The following ZDHHC17 variants were observed in gnomAD, a reference collection of about 807,000 sequenced individuals.
The protein encoded by ZDHHC17 is zDHHC palmitoyltransferase 17, also known as palmitoyltransferase ZDHHC17.
A neutral mutation model predicts 90.3 loss-of-function variants in ZDHHC17; 40 were observed. The ratio of observed to expected loss-of-function variants is 0.44; its 90% CI spans 0.34 to 0.58. ZDHHC17 has a LOEUF of 0.58. ZDHHC17 is among the 20% of genes least tolerant of loss of function. ZDHHC17 has a pLI of 0.01. For synonymous variants in ZDHHC17, 235 were observed against 252.4 expected (o/e 0.93, Z 0.65); for missense variants, 614 against 780.8 (o/e 0.79, Z 2.55).
chr12:76,846,768 A>G (rs544754261), intron 14 of ZDHHC17, 89 bp downstream of exon 14: 4 of 1,175,570 alleles, frequency 3.4e-6, no homozygotes, highest in East Asian at 2.6e-5. Flanking sequence ...TATAATGACA[A>G]AGGTCGTTTA....
chr12:76,841,402 A>G (rs1296330960), intron 10 of ZDHHC17, among the ~76,000 whole-genome samples: 1 of 152,126 alleles, frequency 6.6e-6, no homozygotes, highest in Non-Finnish European at 1.5e-5. Flanking sequence ...TGTATTTTTT[A>G]TAGTGTTATT....
intron 10 of ZDHHC17, among the ~76,000 whole-genome samples, chr12:76,836,621 A>G (rs1478139353): frequency 1.3e-5 from 2 of 152,118 alleles, no homozygotes; most frequent in African/African-American, 2.4e-5. Context: ...ATTTTCTATT[A>G]GAAACATTTA....
chr12:76,820,925 G>A (rs1482117234), intron 7 of ZDHHC17: 1 of 488,358 alleles, frequency 2.0e-6, no homozygotes, highest in Non-Finnish European at 3.5e-6. Context: ...TCAGAACCCT[G>A]GTTTTAATAT....
At chr12:76,814,072 C>T (rs950169195) in intron 5 of ZDHHC17, among the ~76,000 whole-genome samples, 1 of 151,938 alleles carries the variant, frequency 6.6e-6, no homozygotes, top group Non-Finnish European at 1.5e-5. Context: ...TTTCAAAGTA[C>T]TCCAGGTTAA....
chr12:76,817,277 A>G (rs1392784766), intron 7 of ZDHHC17, among the ~76,000 whole-genome samples: 1 of 152,106 alleles, frequency 6.6e-6, no homozygotes. Flanking sequence ...AAACCTGATC[A>G]ATATACTTAA....
At chr12:76,777,996 T>A (rs983816706) in intron 1 of ZDHHC17, among the ~76,000 whole-genome samples, 3 of 152,142 alleles carry the variant, frequency 2.0e-5, no homozygotes, top group Non-Finnish European at 4.4e-5. Context: ...ATGCCTTTTT[T>A]AAGGTACATG....
intron 10 of ZDHHC17, among the ~76,000 whole-genome samples, chr12:76,840,698 G>C (rs1246286596): frequency 6.6e-6 from 1 of 152,070 alleles, no homozygotes; most frequent in Admixed American, 6.6e-5. Flanking sequence ...GCTAAATTCA[G>C]TCTACCATTT....
intron 2 of ZDHHC17, among the ~76,000 whole-genome samples, chr12:76,798,932 C>A (rs1389569059): frequency 2.0e-5 from 3 of 152,162 alleles, no homozygotes; most frequent in Non-Finnish European, 4.4e-5. Flanking sequence ...GGCCCCATCT[C>A]CAACATTGGG....
intron 3 of ZDHHC17, among the ~76,000 whole-genome samples, chr12:76,805,966 C>T (rs935222401): frequency 1.3e-5 from 2 of 152,082 alleles, no homozygotes; most frequent in Admixed American, 1.3e-4. Flanking sequence ...GATTTTTATC[C>T]ATCACTGTTA....
intron 15 of ZDHHC17, among the ~76,000 whole-genome samples, chr12:76,848,888 T>TCTGATGATCTC (rs1277561316): frequency 6.6e-6 from 1 of 152,060 alleles, no homozygotes; most frequent in African/African-American, 2.4e-5. Context: ...GTAAACTAGT[T>TCTGATGATCTC]CTGATGATCT....
chr12:76,850,573 C>T (rs1262524205), intron 16 of ZDHHC17, among the ~76,000 whole-genome samples: 1 of 151,934 alleles, frequency 6.6e-6, no homozygotes, highest in Admixed American at 6.6e-5. Flanking sequence ...AATAAAAATG[C>T]ATATAACACA....
chr12:76,838,442 T>C (rs1383258744), intron 10 of ZDHHC17, among the ~76,000 whole-genome samples: 1 of 152,232 alleles, frequency 6.6e-6, no homozygotes, highest in African/African-American at 2.4e-5. Context: ...TTGAAGTTTT[T>C]CCTGTCCTGT....
chr12:76,796,543 T>C (rs1952821481), intron 1 of ZDHHC17, among the ~76,000 whole-genome samples: 1 of 152,134 alleles, frequency 6.6e-6, no homozygotes, highest in Non-Finnish European at 1.5e-5. Context: ...ATATAAAATC[T>C]TTTTAAAAGG....
intron 7 of ZDHHC17, among the ~76,000 whole-genome samples, chr12:76,817,777 G>C (rs1407475284): frequency 6.6e-6 from 1 of 152,050 alleles, no homozygotes; most frequent in Non-Finnish European, 1.5e-5. Context: ...AATTTCAACA[G>C]AAAGTTAATG....
intron 1 of ZDHHC17, among the ~76,000 whole-genome samples, chr12:76,775,656 G>T (rs2137716827): frequency 6.6e-6 from 1 of 152,216 alleles, no homozygotes; most frequent in Admixed American, 6.5e-5. Flanking sequence ...CAATAATGGT[G>T]CATATTATAA....
At chr12:76,830,573 TGGAACACTTA>T (rs1953287978) in intron 10 of ZDHHC17, among the ~76,000 whole-genome samples, 1 of 152,210 alleles carries the variant, frequency 6.6e-6, no homozygotes, top group East Asian at 1.9e-4. Flanking sequence ...ATTGCCATAT[TGGAACACTTA>T]GTATGAGTAA....
At position 76,838,581 on chromosome 12, in the gene ZDHHC17, A is replaced by G. The variant is rs145999555; in HGVS notation, c.1142-3401A>G. ...AATTCTTGCTGAGAAACTTGGGTTTAGCTGTCTTAAGATCTTGCTGAAAGT... is the reference window on the plus strand; with the variant it reads ...AATTCTTGCTGAGAAACTTGGGTTTGGCTGTCTTAAGATCTTGCTGAAAGT... On this transcript the variant is annotated intron_variant, in intron 10 of 16. Transcript: ENST00000426126. 7.3e-4 allele frequency among the ~76,000 whole-genome samples: 111 copies of G among 152,302 alleles called. No individual in the cohort carries two copies. The Middle Eastern group carries it at 0.014, about 19-fold the overall frequency.
At chr12:76,839,723 A>G (rs2137800161) in intron 10 of ZDHHC17, among the ~76,000 whole-genome samples, 1 of 152,344 alleles carries the variant, frequency 6.6e-6, no homozygotes, top group Middle Eastern at 3.4e-3. Flanking sequence ...AATTAAAACG[A>G]TAAAATAGCA....
intron 1 of ZDHHC17, among the ~76,000 whole-genome samples, chr12:76,774,414 G>C (rs1050916082): frequency 2.0e-5 from 3 of 152,090 alleles, no homozygotes; most frequent in African/African-American, 7.2e-5. Context: ...CCTAGGTGTA[G>C]ATAAGGATGG....
Sources: gnomAD v4.1 joint callset for allele counts (sites outside exome capture counted in the v4.1 genomes callset) on GRCh38, gnomAD v4.1.1 for gene constraint, MANE v1.5 for transcripts, NCBI Gene and HGNC (gene_info 2026-07-23, HGNC 2026-07-21) for gene names.